RAB4A: variants seen among roughly 807,000 people sequenced by gnomAD.
RAB4A encodes ras-related protein Rab-4A.
RAB4A carries 20 observed loss-of-function variants against 34.5 expected under a neutral mutation model. That is an observed-to-expected ratio of 0.58 (90% CI 0.41 to 0.84). The LOEUF is 0.84. Among genes scored for constraint, RAB4A ranks in the 40% least tolerant of loss-of-function variants. RAB4A has a pLI of 0.00. For missense variants in RAB4A, 228 were observed against 274.5 expected (o/e 0.83, Z 1.20); for synonymous variants, 102 against 100.0 (o/e 1.02, Z -0.12).
chr1:229,294,104 CAG>C (rs1027031459), intron 3 of RAB4A, among the ~76,000 whole-genome samples: 23 of 152,286 alleles, frequency 1.5e-4, no homozygotes, highest in African/African-American at 3.6e-4. Flanking sequence ...GCTTTAGAAA[CAG>C]GGTGCGTGGT....
chr1:229,295,983 C>A (rs548117914), intron 4 of RAB4A, 73 bp downstream of exon 4: 3 of 1,496,698 alleles, frequency 2.0e-6, no homozygotes, highest in East Asian at 2.3e-5. Flanking sequence ...TGGCGAGGTG[C>A]CCTCCGTGCA....
chr1:229,279,952 T>C (rs1045605917), intron 1 of RAB4A, among the ~76,000 whole-genome samples: 7 of 152,234 alleles, frequency 4.6e-5, no homozygotes, highest in African/African-American at 1.7e-4. Flanking sequence ...AGTTGACACT[T>C]AGTTATATAA....
chr1:229,302,309 A>ATTTTTTTTTTTTTT lies in RAB4A; in HGVS notation c.542-550_542-537dup, dbSNP rs869095524. Among the ~76,000 whole-genome samples, 39 of 35,894 alleles carry ATTTTTTTTTTTTTT rather than the reference A, an allele frequency of 1.1e-3. 2 individuals are homozygous for ATTTTTTTTTTTTTT. The highest frequency in any genetic ancestry group is 1.8e-3 in the Non-Finnish European group (34 of 18,478). 23.5% of individuals were successfully genotyped at this position (35,894 alleles called of 152,430 possible). On this transcript the variant is annotated intron_variant, in intron 6 of 7. Coordinates refer to ENST00000366690, the MANE Select transcript of RAB4A (RefSeq NM_004578.4). Reference sequence around the variant, plus strand: ...TATATATATATATATATATATATATATTTTTTTTTTTTTTTTACATGTGCA... The same window carrying ATTTTTTTTTTTTTT: ...TATATATATATATATATATATATATATTTTTTTTTTTTTTTTTTTTTTTTTTTTTTACATGTGCA...
intron 4 of RAB4A, 102 bp downstream of exon 4, chr1:229,296,012 C>A: frequency 1.6e-6 from 2 of 1,231,006 alleles, no homozygotes; most frequent in Non-Finnish European, 2.3e-6. Context: ...TTTGTGTGTC[C>A]AGGGACGGTG....
intron 1 of RAB4A, among the ~76,000 whole-genome samples, chr1:229,278,086 A>C (rs1163759513): frequency 6.6e-6 from 1 of 152,106 alleles, no homozygotes; most frequent in Non-Finnish European, 1.5e-5. Flanking sequence ...GCTGGTCTCG[A>C]TCTCCTAACC....
rs1311866344 is a variant in RAB4A, at chr1:229,286,345, A to G, written c.32-141A>G. On this transcript the variant is annotated intron_variant, in intron 1 of 7. Transcript: ENST00000366690. ...TGTGAAAAGGTAAGTCAACATATGT[A>G]TTGTCATTTCACAAGATACTCAGTT... 4 of 584,992 alleles carry G rather than the reference A, an allele frequency of 6.8e-6. No homozygotes were observed. In the African/African-American group the frequency reaches 7.8e-5, roughly 11 times the overall value. 36.2% of individuals were successfully genotyped at this position (584,992 alleles called of 1,614,324 possible). A position where few individuals can be genotyped will look rare whatever the true frequency, so the allele number is the denominator to read the frequency against.
Position 229,280,162 on chromosome 1 carries a change from C to T in RAB4A, c.32-6324C>T, listed in dbSNP as rs530194219. Among the ~76,000 whole-genome samples the T allele has an allele frequency of 5.9e-5, 9 of 152,256 alleles. No homozygotes were observed. In the South Asian group the frequency reaches 1.9e-3, roughly 32 times the overall value. ...AAAAATACAAAATAAACCCATAAAA[C>T]TAGTACAGATTCTGCCATATTCTGA... On this transcript the variant is annotated intron_variant, in intron 1 of 7. Transcript: ENST00000366690.
At chr1:229,274,173 C>T (rs1571819026) in intron 1 of RAB4A, among the ~76,000 whole-genome samples, 1 of 150,882 alleles carries the variant, frequency 6.6e-6, no homozygotes, top group Non-Finnish European at 1.5e-5. Flanking sequence ...CCACTTCAGC[C>T]TCCTGAGTAG....
In RAB4A at chr1:229,302,964, A is replaced by AGT; in HGVS notation, c.648_649dup (p.Gly217ValfsTer22). On this transcript the variant is annotated frameshift_variant, in exon 7 of 8. Transcript: ENST00000366690. LOFTEE classifies it high-confidence loss of function. ...CGCGCACAGGCCCCGAACGCTCAGG[A>AGT]GTGTGGTTGTTAGGAGAGCACACAG... The AGT allele has an allele frequency of 6.2e-7, 1 of 1,613,738 alleles. No homozygotes were observed. Among genetic ancestry groups the AGT allele is most frequent in the Non-Finnish European group, 8.5e-7 (1 of 1,179,796 alleles).
chr1:229,297,241 T>C (rs572627866), intron 4 of RAB4A, among the ~76,000 whole-genome samples: 5 of 152,380 alleles, frequency 3.3e-5, no homozygotes, highest in Admixed American at 2.6e-4. Flanking sequence ...TTTTGCCCCA[T>C]GACTGGGCAA....
At chr1:229,281,447 G>A (rs1014649239) in intron 1 of RAB4A, among the ~76,000 whole-genome samples, 4 of 151,990 alleles carry the variant, frequency 2.6e-5, no homozygotes, top group African/African-American at 9.7e-5. Context: ...TATTAATACA[G>A]CCAGCCCTGT....
Position 229,271,318 on chromosome 1 carries a change from G to T in RAB4A, c.-22G>T, listed in dbSNP as rs1189409617. The T allele has an allele frequency of 7.5e-7, 1 of 1,327,800 alleles. No homozygotes were observed. The highest frequency in any genetic ancestry group is 1.5e-5 in the African/African-American group (1 of 65,420). 82.3% of individuals were successfully genotyped at this position (1,327,800 alleles called of 1,614,324 possible). A position where few individuals can be genotyped will look rare whatever the true frequency, so the allele number is the denominator to read the frequency against. On this transcript the variant is annotated 5_prime_UTR_variant, in exon 1 of 8. Transcript: ENST00000366690. ...GGGCGAGTGCAGCCGGTGACCCGGC[G>T]AGAGGCGGCGCCGCTCCCAAGATGT... is the stretch of plus-strand genomic sequence containing the variant.
intron 6 of RAB4A, 67 bp from the exon 7 acceptor site, chr1:229,302,795 T>C: frequency 8.6e-7 from 1 of 1,168,028 alleles, no homozygotes. Context: ...TTTTTTTTTT[T>C]TAATCTATTT....
intron 1 of RAB4A, among the ~76,000 whole-genome samples, chr1:229,281,291 G>C (rs1656770002): frequency 6.6e-6 from 1 of 152,070 alleles, no homozygotes; most frequent in Non-Finnish European, 1.5e-5. Flanking sequence ...GTTAGTTTTT[G>C]CTTGACATAT....
chr1:229,299,106 G>A (rs749431097), intron 6 of RAB4A, 34 bp downstream of exon 6: 1 of 1,462,398 alleles, frequency 6.8e-7, no homozygotes, highest in South Asian at 1.2e-5. Context: ...CTTTTCTTCT[G>A]CATATTTTAC....
intron 3 of RAB4A, among the ~76,000 whole-genome samples, chr1:229,289,828 A>C (rs1398929459): frequency 6.6e-6 from 1 of 152,156 alleles, no homozygotes; most frequent in Non-Finnish European, 1.5e-5. Flanking sequence ...AAAATTAATT[A>C]AGTAATTGAA....
intron 1 of RAB4A, among the ~76,000 whole-genome samples, chr1:229,279,537 A>G (rs185857777): frequency 2.0e-5 from 3 of 152,170 alleles, no homozygotes; most frequent in East Asian, 1.9e-4. Flanking sequence ...AAGTCAGTCA[A>G]TTCCAAATGA....
chr1:229,293,684 CAG>C (rs1276898413), intron 3 of RAB4A, among the ~76,000 whole-genome samples: 1 of 152,086 alleles, frequency 6.6e-6, no homozygotes, highest in Non-Finnish European at 1.5e-5. Context: ...AACACAGAGA[CAG>C]AGACAGAAAG....
At chr1:229,292,685 G>A (rs905017825) in intron 3 of RAB4A, among the ~76,000 whole-genome samples, 1 of 152,170 alleles carries the variant, frequency 6.6e-6, no homozygotes, top group Non-Finnish European at 1.5e-5. Context: ...GCTCTTCTTT[G>A]CCAAGCAGCA....
Sources: gnomAD v4.1 joint callset for allele counts (sites outside exome capture counted in the v4.1 genomes callset) on GRCh38, gnomAD v4.1.1 for gene constraint, MANE v1.5 for transcripts, NCBI Gene and HGNC (gene_info 2026-07-23, HGNC 2026-07-21) for gene names.